RPL28: variants seen among roughly 807,000 people sequenced by gnomAD.
RPL28 encodes the protein ribosomal protein L28, also known as large ribosomal subunit protein eL28.
In RPL28, 4 loss-of-function variants were observed where a neutral mutation model predicts 12.5. The observed-to-expected ratio is 0.32, with a 90% confidence interval of 0.16 to 0.73. The LOEUF is 0.73. RPL28 is among the 30% of genes least tolerant of loss of function. The pLI is 0.66. For missense variants in RPL28, 214 were observed against 197.7 expected, an observed-to-expected ratio of 1.08 and a Z score of -0.49; for synonymous variants, 91 against 72.5, an observed-to-expected ratio of 1.26 and a Z score of -1.30.
At chr19:55,386,464 C>T (rs1252616271) in intron 2 of RPL28, 26 bp downstream of exon 2, 3 of 1,612,488 alleles carry the variant, frequency 1.9e-6, no homozygotes, top group East Asian at 2.2e-5. Context: ...ATGCGTGGCT[C>T]CTGCGGGAGG....
At chr19:55,386,172 G>A in intron 1 of RPL28, 178 bp from the exon 2 acceptor site, 2 of 607,130 alleles carry the variant, frequency 3.3e-6, no homozygotes, top group Middle Eastern at 4.5e-4. Flanking sequence ...CGGTCCCGCC[G>A]CCTTAGGTCA....
At chr19:55,386,307 G>A (rs1361015815) in intron 1 of RPL28, 43 bp from the exon 2 acceptor site, 4 of 1,591,508 alleles carry the variant, frequency 2.5e-6, no homozygotes, top group Non-Finnish European at 3.4e-6. Context: ...CGCTGCTTTA[G>A]TTCTCTGTGT....
intron 4 of RPL28, chr19:55,401,590 G>A: frequency 6.2e-7 from 1 of 1,608,516 alleles, no homozygotes; most frequent in Non-Finnish European, 8.5e-7. Context: ...AGTGCCACTG[G>A]CCAGGGCCCG....
rs2089988623 is a variant in RPL28 at position 55,391,407 on chromosome 19, C to T, written c.*3075C>T. ...GGTGTCTCAGTGTTCACTGCTGTCTCTCCAGCTCTTAGTCCAGTAGCTGCA... is the reference window on the plus strand; with the variant it reads ...GGTGTCTCAGTGTTCACTGCTGTCTTTCCAGCTCTTAGTCCAGTAGCTGCA... On this transcript the variant is annotated 3_prime_UTR_variant, in exon 5 of 5. Coordinates refer to ENST00000344063, the MANE Select transcript of RPL28 (RefSeq NM_000991.5). 2 of 1,298,976 alleles carry T rather than the reference C, an allele frequency of 1.5e-6. No individual in the cohort carries two copies. Among genetic ancestry groups the T allele is most frequent in the Admixed American group, 3.5e-5 (1 of 28,450 alleles). 80.5% of individuals were successfully genotyped at this position (1,298,976 alleles called of 1,614,324 possible). A position where few individuals can be genotyped will look rare whatever the true frequency, so the allele number is the denominator to read the frequency against.
intron 4 of RPL28, chr19:55,400,640 A>G (rs2090050394): frequency 6.6e-6 from 1 of 152,266 alleles, no homozygotes; most frequent in Admixed American, 6.5e-5. Flanking sequence ...AACCATGAGC[A>G]TGGAAGAGGA....
At chr19:55,396,259 G>A (rs1256980010), downstream of RPL28, among the ~76,000 whole-genome samples, 1 of 149,002 alleles carries the variant, frequency 6.7e-6, no homozygotes, top group African/African-American at 2.5e-5. Context: ...CAACAAGAAT[G>A]TAAACTTGTA....
Position 55,390,256 on chromosome 19 carries a change from G to T in RPL28, c.*1924G>T, listed in dbSNP as rs1418468703. 4.2e-6 allele frequency: 4 copies of T among 957,774 alleles called. No individual in the cohort carries two copies. The highest frequency in any genetic ancestry group is 5.0e-6 in the Non-Finnish European group (4 of 804,942). The allele number at this position is 957,774 out of a possible 1,614,324, so 59.3% of individuals were successfully genotyped here. A position where few individuals can be genotyped will look rare whatever the true frequency, so the allele number is the denominator to read the frequency against. On this transcript the variant is annotated 3_prime_UTR_variant, in exon 5 of 5. Transcript: ENST00000344063. ...CTCGCTCTGTTGCCCAGGCTGGCGA[G>T]TGCAATGGCGCGATCTTGGCTCACT...
Position 55,386,566 on chromosome 19 carries a change from C to A in RPL28, c.82-4C>A. On this transcript the variant is annotated splice_region_variant and splice_polypyrimidine_tract_variant and intron_variant, in intron 2 of 4. Coordinates refer to ENST00000344063, the MANE Select transcript of RPL28 (RefSeq NM_000991.5). ...CACGATGCCTTGTGCCGCCTCCTTC[C>A]CAGGAGCCCAATAACTTGAAGGCCC... The A allele has an allele frequency of 6.2e-7, 1 of 1,603,548 alleles. No individual in the cohort carries two copies. Among genetic ancestry groups the A allele is most frequent in the African/African-American group, 1.3e-5 (1 of 74,830 alleles).
intron 3 of RPL28, 196 bp from the exon 4 acceptor site, chr19:55,387,734 C>G: frequency 6.9e-7 from 1 of 1,439,634 alleles, no homozygotes; most frequent in Non-Finnish European, 9.0e-7. Flanking sequence ...GAAGCTGTGT[C>G]CTCAGTACTC....
downstream of RPL28, among the ~76,000 whole-genome samples, chr19:55,396,682 G>A (rs867948606): frequency 4.8e-5 from 7 of 145,164 alleles, no homozygotes; most frequent in Middle Eastern, 3.5e-3. Flanking sequence ...CCGGGTTCAC[G>A]CCATTCTCCT....
In RPL28 at chr19:55,390,136, C is replaced by T. The variant is rs2089976684; in HGVS notation, c.*1804C>T. On this transcript the variant is annotated 3_prime_UTR_variant, in exon 5 of 5. Transcript: ENST00000344063. ...GCAAGGGGTTTGTCTAGCACACCAG[C>T]ATATAATGAGATGCTTGATGAATGG... The T allele has an allele frequency of 3.0e-6, 3 of 985,398 alleles. No homozygotes were observed. In the South Asian group the frequency reaches 1.4e-4, roughly 46 times the overall value. 61.0% of individuals were successfully genotyped at this position (985,398 alleles called of 1,614,324 possible). A position where few individuals can be genotyped will look rare whatever the true frequency, so the allele number is the denominator to read the frequency against.
chr19:55,388,230 C>T lies in RPL28; in HGVS notation c.325-13C>T, dbSNP rs573465713. The T allele has an allele frequency of 1.6e-4, 241 of 1,522,946 alleles. 3 individuals are homozygous for T. In the South Asian group the frequency reaches 2.9e-3, roughly 18 times the overall value. 94.3% of individuals were successfully genotyped at this position (1,522,946 alleles called of 1,614,324 possible). ...TGTATGGGCTGAGCCTTGCTCTGCT[C>T]CCCCGCCCCCAGGCAGCCATCCGCA... On this transcript the variant is annotated splice_polypyrimidine_tract_variant and intron_variant, in intron 4 of 4. Coordinates refer to ENST00000344063, the MANE Select transcript of RPL28 (RefSeq NM_000991.5).
At chr19:55,395,650 A>C (rs62128191), downstream of RPL28, among the ~76,000 whole-genome samples, 1 of 148,608 alleles carries the variant, frequency 6.7e-6, no homozygotes, top group East Asian at 2.1e-4. Flanking sequence ...TCACTGTGTT[A>C]GCCAGGATGG....
At chr19:55,399,962 C>T (rs1435304325) in intron 4 of RPL28, 1 of 152,184 alleles carries the variant, frequency 6.6e-6, no homozygotes, top group Non-Finnish European at 1.5e-5. Context: ...CCTTCGCTCC[C>T]TGCACTGCTA....
At chr19:55,402,510 C>T (rs779538524) in intron 4 of RPL28, among the ~76,000 whole-genome samples, 13 of 152,224 alleles carry the variant, frequency 8.5e-5, no homozygotes, top group Non-Finnish European at 1.8e-4. Context: ...GCTGGATCCT[C>T]TGAAGTGGGT....
chr19:55,395,499 A>G (rs28408730), downstream of RPL28, among the ~76,000 whole-genome samples: 6,547 of 145,438 alleles, frequency 0.045, 307 homozygotes, highest in African/African-American at 0.12. Context: ...TCTGGAGTGC[A>G]GTGGCGCCAT....
chr19:55,395,529 C>T (rs1398040491), downstream of RPL28, among the ~76,000 whole-genome samples: 14 of 150,876 alleles, frequency 9.3e-5, no homozygotes, highest in South Asian at 2.1e-4. Flanking sequence ...CTGCAAGCTC[C>T]GCCTCCCGGG....
intron 4 of RPL28, among the ~76,000 whole-genome samples, chr19:55,402,574 C>G (rs371951537): frequency 1.3e-5 from 2 of 152,220 alleles, no homozygotes; most frequent in East Asian, 3.9e-4. Flanking sequence ...GACACATACA[C>G]AGTACCTGGC....
rs1394109307 is a variant in RPL28, at chr19:55,390,847, G to A, written c.*2515G>A. 5.1e-5 allele frequency: 50 copies of A among 985,330 alleles called. No individual in the cohort carries two copies. The highest frequency in any genetic ancestry group is 5.5e-5 in the Non-Finnish European group (46 of 829,938). 61.0% of individuals were successfully genotyped at this position (985,330 alleles called of 1,614,324 possible). On this transcript the variant is annotated 3_prime_UTR_variant, in exon 5 of 5. Coordinates refer to ENST00000344063, the MANE Select transcript of RPL28 (RefSeq NM_000991.5). The stretch of plus-strand genomic sequence containing the variant: ...GGAGTCCTCAGTGTGCTGAGCAAAC[G>A]TGGAGACACCATTTCCCTCCTCTAG...
Sources: gnomAD v4.1 joint callset for allele counts (sites outside exome capture counted in the v4.1 genomes callset) on GRCh38, gnomAD v4.1.1 for gene constraint, MANE v1.5 for transcripts, NCBI Gene and HGNC (gene_info 2026-07-23, HGNC 2026-07-21) for gene names.